CHST8: variants seen among roughly 807,000 people sequenced by gnomAD.
The protein encoded by CHST8 is GALNAC-4-ST1.
In CHST8, 10 loss-of-function variants were observed where a neutral mutation model predicts 15.0. The observed-to-expected ratio is 0.67, with a 90% CI of 0.41 to 1.13. CHST8 has a LOEUF of 1.13. CHST8 is among the 50% of genes most tolerant of loss of function. The pLI, the probability that CHST8 is intolerant of heterozygous loss-of-function variation, is 0.00. For missense variants in CHST8, 634 were observed against 608.2 expected (o/e 1.04, Z -0.45); for synonymous variants, 259 against 256.6 (o/e 1.01, Z -0.09).
At chr19:33,653,192 A>T (rs1972471387) in intron 1 of CHST8, among the ~76,000 whole-genome samples, 1 of 151,984 alleles carries the variant, frequency 6.6e-6, no homozygotes. Flanking sequence ...GCCTATGTAA[A>T]CTCTCTTGGA....
At chr19:33,696,724 C>T (rs1054735131) in intron 3 of CHST8, among the ~76,000 whole-genome samples, 10 of 152,124 alleles carry the variant, frequency 6.6e-5, no homozygotes, top group South Asian at 4.2e-4. Context: ...TGTTGGGGAC[C>T]GCTGCTTTAA....
At chr19:33,701,659 G>T (rs908970925) in intron 3 of CHST8, among the ~76,000 whole-genome samples, 7 of 143,856 alleles carry the variant, frequency 4.9e-5, no homozygotes, top group South Asian at 4.4e-4. Flanking sequence ...TTTGAAAACC[G>T]CAGAGCTCCA....
rs180980054 is a variant in CHST8, at chr19:33,639,967, G to A, written c.-164+17671G>A. Reference sequence around the variant, plus strand: ...TGATTCTCTGGCCTCAGCCTCCCAAGTAGCTGGGACTACAGGCATGCGCCA... The same window carrying A: ...TGATTCTCTGGCCTCAGCCTCCCAAATAGCTGGGACTACAGGCATGCGCCA... On this transcript the variant is annotated intron_variant, in intron 1 of 4. Transcript: ENST00000650847. Among the ~76,000 whole-genome samples the A allele has an allele frequency of 2.7e-3, 416 of 151,782 alleles. 1 individual carries two copies. The highest frequency in any genetic ancestry group is 5.7e-3 in the Admixed American group (87 of 15,220).
rs181277452 is a variant in CHST8, at chr19:33,734,653, G to A, written c.131-36760G>A. ...CAGGAGCTCAGGGAGAGGAGAGGAAGGAGGGAGAGCACTTTCTCAGTGCCC... is the reference window on the plus strand; with the variant it reads ...CAGGAGCTCAGGGAGAGGAGAGGAAAGAGGGAGAGCACTTTCTCAGTGCCC... On this transcript the variant is annotated intron_variant, in intron 3 of 4. Transcript: ENST00000650847. 3.3e-3 allele frequency among the ~76,000 whole-genome samples: 502 copies of A among 152,264 alleles called. 2 individuals carry two copies. Among genetic ancestry groups the A allele is most frequent in the Non-Finnish European group, 4.9e-3 (331 of 68,028 alleles).
chr19:33,687,671 G>A (rs1037729786), intron 2 of CHST8, among the ~76,000 whole-genome samples: 2 of 152,156 alleles, frequency 1.3e-5, no homozygotes, highest in African/African-American at 4.8e-5. Flanking sequence ...ACTGCAGAGG[G>A]GAGAAACCCA....
intron 1 of CHST8, among the ~76,000 whole-genome samples, chr19:33,644,580 A>T (rs554731570): frequency 5.9e-4 from 90 of 151,608 alleles, no homozygotes; most frequent in African/African-American, 1.5e-3. Flanking sequence ...AAAAAAAAAA[A>T]TTTTTTTTTA....
chr19:33,674,586 C>T (rs2145236427), intron 2 of CHST8, among the ~76,000 whole-genome samples: 1 of 152,268 alleles, frequency 6.6e-6, no homozygotes, highest in Non-Finnish European at 1.5e-5. Context: ...AATTAGCTTC[C>T]AATTCCCAGG....
At position 33,765,070 on chromosome 19, in the gene CHST8, A is replaced by ATATATATATATATATATATATGTATG. The variant is rs71181381; in HGVS notation, c.131-6340_131-6339insATATATATATATATATATGTATGTAT. Among the ~76,000 whole-genome samples, 496 of 113,092 alleles carry ATATATATATATATATATATATGTATG rather than the reference A, an allele frequency of 4.4e-3. 40 individuals are homozygous for ATATATATATATATATATATATGTATG. Among genetic ancestry groups the ATATATATATATATATATATATGTATG allele is most frequent in the African/African-American group, 0.019 (461 of 23,744 alleles). The allele number at this position is 113,092 out of a possible 152,430, so 74.2% of individuals were successfully genotyped here. ...TATTCCATCATATATATATATATAT[A>ATATATATATATATATATATATGTATG]TATCAGAGTTTCTTTATCCACTCGT... On this transcript the variant is annotated intron_variant, in intron 3 of 4. Coordinates refer to ENST00000650847, the MANE Select transcript of CHST8 (RefSeq NM_001127895.2).
chr19:33,695,330 A>G (rs2145267675), intron 3 of CHST8, among the ~76,000 whole-genome samples: 1 of 152,302 alleles, frequency 6.6e-6, no homozygotes, highest in Non-Finnish European at 1.5e-5. Context: ...TAGCAACAAT[A>G]CTGATACTAG....
chr19:33,711,599 G>A (rs1199975878), intron 3 of CHST8, among the ~76,000 whole-genome samples: 2 of 152,192 alleles, frequency 1.3e-5, no homozygotes, highest in Non-Finnish European at 2.9e-5. Flanking sequence ...GTAGTAGTAA[G>A]GAAATAAATT....
chr19:33,645,948 G>A (rs113047141), intron 1 of CHST8, among the ~76,000 whole-genome samples: 2 of 151,992 alleles, frequency 1.3e-5, no homozygotes, highest in African/African-American at 2.4e-5. Flanking sequence ...GCAACATGGC[G>A]ATACCCCATC....
intron 3 of CHST8, among the ~76,000 whole-genome samples, chr19:33,706,725 C>T (rs1249906559): frequency 6.6e-6 from 1 of 152,206 alleles, no homozygotes; most frequent in Non-Finnish European, 1.5e-5. Context: ...GTGATCGCTG[C>T]TTGAATTAGT....
At chr19:33,679,001 A>G (rs1972848754) in intron 2 of CHST8, among the ~76,000 whole-genome samples, 1 of 152,230 alleles carries the variant, frequency 6.6e-6, no homozygotes, top group Non-Finnish European at 1.5e-5. Flanking sequence ...AGCTGGAAAC[A>G]CAAAGACAAG....
At chr19:33,752,050 C>G (rs973443138) in intron 3 of CHST8, among the ~76,000 whole-genome samples, 4 of 152,206 alleles carry the variant, frequency 2.6e-5, no homozygotes, top group Admixed American at 6.5e-5. Context: ...GATGAGATTT[C>G]CTGCCCAGGG....
At chr19:33,708,852 A>G (rs1215259195) in intron 3 of CHST8, among the ~76,000 whole-genome samples, 1 of 152,204 alleles carries the variant, frequency 6.6e-6, no homozygotes, top group African/African-American at 2.4e-5. Flanking sequence ...GAATCTTACA[A>G]TCCATGAACG....
At chr19:33,641,327 T>A (rs576433617) in intron 1 of CHST8, among the ~76,000 whole-genome samples, 10 of 152,258 alleles carry the variant, frequency 6.6e-5, no homozygotes, top group Non-Finnish European at 1.0e-4. Context: ...GATTGCTGTT[T>A]CTGGCCCGAG....
chr19:33,757,592 GA>G (rs1458383328), intron 3 of CHST8, among the ~76,000 whole-genome samples: 1 of 142,632 alleles, frequency 7.0e-6, no homozygotes, highest in Non-Finnish European at 1.5e-5. Context: ...AAGAAAGAAA[GA>G]AAGAAAGAAA....
chr19:33,629,589 A>G (rs890729972), intron 1 of CHST8, among the ~76,000 whole-genome samples: 2 of 152,220 alleles, frequency 1.3e-5, no homozygotes, highest in Non-Finnish European at 1.5e-5. Context: ...GCTGGGGAGC[A>G]GGGAAGCAGG....
In CHST8 at chr19:33,686,084, G is replaced by A. The variant is rs534625719; in HGVS notation, c.-86-3092G>A. On this transcript the variant is annotated intron_variant, in intron 2 of 4. Transcript: ENST00000650847. ...GAGGGTCCCAGAGGGAAAAGCTGGG[G>A]TCTGAGGCTTAGGGGCTAAACCCTG... Among the ~76,000 whole-genome samples, 44 of 152,280 alleles carry A rather than the reference G, an allele frequency of 2.9e-4. 1 individual carries two copies. In the South Asian group the frequency reaches 5.8e-3, roughly 20 times the overall value.
Sources: gnomAD v4.1 joint callset for allele counts (sites outside exome capture counted in the v4.1 genomes callset) on GRCh38, gnomAD v4.1.1 for gene constraint, MANE v1.5 for transcripts, NCBI Gene and HGNC (gene_info 2026-07-23, HGNC 2026-07-21) for gene names.